The following SREK1IP1 variants were observed in gnomAD, a reference collection of about 807,000 sequenced individuals.
SREK1IP1 encodes the protein protein SREK1IP1.
A neutral mutation model predicts 22.8 loss-of-function variants in SREK1IP1; 12 were observed. The ratio of observed to expected loss-of-function variants is 0.53; its 90% CI spans 0.34 to 0.85. The LOEUF is 0.85. Ranked by LOEUF, SREK1IP1 falls within the 40% of genes least tolerant of loss-of-function variation. SREK1IP1 has a pLI of 0.02. For missense variants in SREK1IP1, 147 were observed against 171.8 expected (o/e 0.86, Z 0.81); for synonymous variants, 53 against 52.7 (o/e 1.01, Z -0.02).
intron 1 of SREK1IP1, among the ~76,000 whole-genome samples, chr5:64,755,302 G>T (rs1742819929): frequency 6.6e-6 from 1 of 151,890 alleles, no homozygotes. Context: ...CAAAGACATG[G>T]AATCAACTGA....
intron 2 of SREK1IP1, among the ~76,000 whole-genome samples, chr5:64,752,496 G>T: frequency 6.6e-6 from 1 of 152,116 alleles, no homozygotes; most frequent in Non-Finnish European, 1.5e-5. Context: ...TTCTGCCACA[G>T]AAAGAGAGAC....
Position 64,761,988 on chromosome 5 carries a change from C to A in SREK1IP1, c.13+6517G>T, listed in dbSNP as rs141733474. ...CTGAGAAAAATTGAGAGAAAGATGG[C>A]GAGTCCTCAACACTTGCTTCAGGTT... On this transcript the variant is annotated intron_variant, in intron 1 of 4. Coordinates refer to ENST00000513458, the MANE Select transcript of SREK1IP1 (RefSeq NM_173829.4). Among the ~76,000 whole-genome samples the A allele has an allele frequency of 8.5e-4, 129 of 152,240 alleles. 2 individuals carry two copies. Among genetic ancestry groups the A allele is most frequent in the Non-Finnish European group, 1.6e-3 (112 of 68,018 alleles).
In SREK1IP1 at chr5:64,723,433, A is replaced by T. The variant is rs1742207887; in HGVS notation, c.*951T>A. 6.6e-6 allele frequency: 1 copy of T among 152,368 alleles called. No homozygotes were observed. The highest frequency in any genetic ancestry group is 6.5e-5 in the Admixed American group (1 of 15,288). The allele number at this position is 152,368 out of a possible 1,614,324, so 9.4% of individuals were successfully genotyped here. The stretch of plus-strand genomic sequence containing the variant: ...AAATTATGTCAGACAAAATAAATAT[A>T]TATGCTCACATTTATAAAATTTTCC... On this transcript the variant is annotated 3_prime_UTR_variant, in exon 5 of 5. Coordinates refer to ENST00000513458, the MANE Select transcript of SREK1IP1 (RefSeq NM_173829.4).
chr5:64,731,940 G>GA (rs768136402), intron 3 of SREK1IP1, among the ~76,000 whole-genome samples: 61 of 152,124 alleles, frequency 4.0e-4, no homozygotes, highest in Non-Finnish European at 6.9e-4. Context: ...TACTAAGTTG[G>GA]AAAAAATGAT....
intron 2 of SREK1IP1, among the ~76,000 whole-genome samples, chr5:64,743,997 G>A (rs1221303550): frequency 6.6e-6 from 1 of 152,106 alleles, no homozygotes; most frequent in African/African-American, 2.4e-5. Context: ...TTTCTGAACA[G>A]ATAAAAATAC....
chr5:64,756,118 T>C (rs1742836896), intron 1 of SREK1IP1, among the ~76,000 whole-genome samples: 1 of 152,150 alleles, frequency 6.6e-6, no homozygotes, highest in Non-Finnish European at 1.5e-5. Context: ...AAGATATAGA[T>C]ACCAGAGACA....
intron 1 of SREK1IP1, among the ~76,000 whole-genome samples, chr5:64,768,035 G>A (rs1042491297): frequency 1.3e-5 from 2 of 152,218 alleles, no homozygotes; most frequent in African/African-American, 4.8e-5. Flanking sequence ...CCAATCTATG[G>A]CCACGGAGCA....
chr5:64,720,730 A>G lies in SREK1IP1; in HGVS notation c.*3654T>C, dbSNP rs1456392568. ...GCCAAGTTGGCCAGGCTGGTCTTGAACTCCTGACCTCAGGTGATCCGCCCG... is the reference window on the plus strand; with the variant it reads ...GCCAAGTTGGCCAGGCTGGTCTTGAGCTCCTGACCTCAGGTGATCCGCCCG... On this transcript the variant is annotated 3_prime_UTR_variant, in exon 5 of 5. Coordinates refer to ENST00000513458, the MANE Select transcript of SREK1IP1 (RefSeq NM_173829.4). 5 of 151,322 alleles carry G rather than the reference A, an allele frequency of 3.3e-5. No homozygotes were observed. The highest frequency in any genetic ancestry group is 1.5e-5 in the Non-Finnish European group (1 of 67,836). 9.4% of individuals were successfully genotyped at this position (151,322 alleles called of 1,614,324 possible).
chr5:64,727,989 A>C, intron 4 of SREK1IP1, 118 bp downstream of exon 4: 1 of 931,688 alleles, frequency 1.1e-6, no homozygotes, highest in Non-Finnish European at 1.4e-6. Flanking sequence ...CTCAATGAAA[A>C]GCTTAGTTGT....
chr5:64,743,119 T>C (rs568569313), intron 2 of SREK1IP1, among the ~76,000 whole-genome samples: 235 of 152,328 alleles, frequency 1.5e-3, no homozygotes, highest in Non-Finnish European at 2.6e-3. Context: ...AGATTTGTTA[T>C]GTATTTTGAA....
At chr5:64,734,511 G>A (rs1000025952) in intron 3 of SREK1IP1, among the ~76,000 whole-genome samples, 12 of 151,512 alleles carry the variant, frequency 7.9e-5, no homozygotes, top group African/African-American at 2.9e-4. Flanking sequence ...TAATAGATCT[G>A]CTTGGGGAGA....
chr5:64,743,204 A>G lies in SREK1IP1; in HGVS notation c.62-2004T>C, dbSNP rs149928163. ...TAGACAACACAGGTCCCATAAGATA[A>G]TAATACTGTTCCTTGTCAATGTTTA... On this transcript the variant is annotated intron_variant, in intron 2 of 4. Coordinates refer to ENST00000513458, the MANE Select transcript of SREK1IP1 (RefSeq NM_173829.4). 2.2e-4 allele frequency among the ~76,000 whole-genome samples: 33 copies of G among 152,330 alleles called. No individual in the cohort carries two copies. The East Asian group carries it at 6.2e-3, about 28-fold the overall frequency.
chr5:64,726,204 G>A (rs1043194940), intron 4 of SREK1IP1, among the ~76,000 whole-genome samples: 3 of 152,028 alleles, frequency 2.0e-5, no homozygotes, highest in Non-Finnish European at 2.9e-5. Context: ...ATTTCAGGCT[G>A]TGGCATAGCA....
chr5:64,764,447 C>G (rs1303026199), intron 1 of SREK1IP1, among the ~76,000 whole-genome samples: 1 of 152,162 alleles, frequency 6.6e-6, no homozygotes, highest in Non-Finnish European at 1.5e-5. Flanking sequence ...TAGGAAAGCA[C>G]TTGAGAGGTT....
At chr5:64,737,913 A>G (rs1431826729) in intron 3 of SREK1IP1, among the ~76,000 whole-genome samples, 1 of 152,196 alleles carries the variant, frequency 6.6e-6, no homozygotes, top group Non-Finnish European at 1.5e-5. Flanking sequence ...ACCAGTAACA[A>G]GTAAAGACAC....
At chr5:64,734,089 C>T (rs1039342275) in intron 3 of SREK1IP1, among the ~76,000 whole-genome samples, 5 of 152,078 alleles carry the variant, frequency 3.3e-5, no homozygotes, top group Non-Finnish European at 5.9e-5. Context: ...CTGTAGTTTT[C>T]GAAGATGTTA....
At chr5:64,752,653 CAA>C (rs1293308460) in intron 2 of SREK1IP1, among the ~76,000 whole-genome samples, 2 of 152,042 alleles carry the variant, frequency 1.3e-5, no homozygotes, top group Non-Finnish European at 2.9e-5. Context: ...ATTTTTGCAA[CAA>C]AAGAGAGAGA....
intron 3 of SREK1IP1, among the ~76,000 whole-genome samples, chr5:64,738,327 G>T (rs371665942): frequency 6.6e-6 from 1 of 152,094 alleles, no homozygotes; most frequent in Non-Finnish European, 1.5e-5. Flanking sequence ...AAAATCAAAT[G>T]AATATTTCAA....
At chr5:64,727,530 C>CATATATATATAT (rs370322604) in intron 4 of SREK1IP1, 13 of 117,418 alleles carry the variant, frequency 1.1e-4, no homozygotes, top group African/African-American at 4.8e-4. Context: ...CATATAATTA[C>CATATATATATAT]ATATATATAT....
Sources: gnomAD v4.1 joint callset for allele counts (sites outside exome capture counted in the v4.1 genomes callset) on GRCh38, gnomAD v4.1.1 for gene constraint, MANE v1.5 for transcripts, NCBI Gene and HGNC (gene_info 2026-07-23, HGNC 2026-07-21) for gene names.